Variants in ALDH1L1 observed in about 807,000 individuals in gnomAD.
ALDH1L1 encodes aldehyde dehydrogenase 1 family member L1, also known as cytosolic 10-formyltetrahydrofolate dehydrogenase.
Under a neutral mutation model 101.1 loss-of-function variants are expected in ALDH1L1, and 68 were observed. The observed-to-expected ratio is 0.67, with a 90% CI of 0.55 to 0.82. The LOEUF is 0.82. ALDH1L1 is among the 40% of genes least tolerant of loss of function. The probability of loss-of-function intolerance (pLI) is 0.00; values close to 1 mark genes in which losing one functional copy is unlikely to be tolerated. For synonymous variants in ALDH1L1, 486 were observed against 470.8 expected, an observed-to-expected ratio of 1.03 and a Z score of -0.42; for missense variants, 1,087 against 1,172.7, an observed-to-expected ratio of 0.93 and a Z score of 1.07.
At chr3:126,114,482 A>G in intron 18 of ALDH1L1, 75 bp downstream of exon 18, 1 of 1,231,034 alleles carries the variant, frequency 8.1e-7, no homozygotes, top group Non-Finnish European at 1.1e-6. Flanking sequence ...CTGTGGAATC[A>G]GAGACAGGGC....
At chr3:126,110,270 T>C in intron 19 of ALDH1L1, 161 bp from the exon 20 acceptor site, 1 of 921,824 alleles carries the variant, frequency 1.1e-6, no homozygotes, top group Admixed American at 2.7e-5. Flanking sequence ...CCTTCCAGGC[T>C]GAAATCCCAA....
At chr3:126,173,233 T>C (rs977591199) in intron 1 of ALDH1L1, among the ~76,000 whole-genome samples, 2 of 152,198 alleles carry the variant, frequency 1.3e-5, no homozygotes, top group Non-Finnish European at 2.9e-5. Flanking sequence ...TTCAAAATAA[T>C]AATTGCAACA....
rs112399047 is a variant in ALDH1L1, at chr3:126,131,580, G to A, written c.1473-46C>T. 912 of 1,570,758 alleles carry A rather than the reference G, an allele frequency of 5.8e-4. 2 individuals are homozygous for A. In the African/African-American group the frequency reaches 0.01, roughly 18 times the overall value. On this transcript the variant is annotated intron_variant, in intron 12 of 22. Coordinates refer to ENST00000393434, the MANE Select transcript of ALDH1L1 (RefSeq NM_012190.4). Reference sequence around the variant, plus strand: ...CGGGAGGTGGGCTCAGGCCTGGCACGGCCTCATCTGCCCTCACAAGGCCCT... The same window carrying A: ...CGGGAGGTGGGCTCAGGCCTGGCACAGCCTCATCTGCCCTCACAAGGCCCT...
intron 9 of ALDH1L1, among the ~76,000 whole-genome samples, chr3:126,144,442 C>T (rs1488396155): frequency 6.6e-6 from 1 of 152,184 alleles, no homozygotes; most frequent in East Asian, 1.9e-4. Flanking sequence ...ACTCACATTT[C>T]CTGATTTCAA....
chr3:126,130,765 C>A (rs771779022), intron 13 of ALDH1L1, among the ~76,000 whole-genome samples: 1 of 152,220 alleles, frequency 6.6e-6, no homozygotes, highest in Non-Finnish European at 1.5e-5. Flanking sequence ...CTGGCAGAGA[C>A]GCCATGAGTC....
At chr3:126,153,208 C>T in intron 7 of ALDH1L1, 1 of 591,618 alleles carries the variant, frequency 1.7e-6, no homozygotes, top group East Asian at 3.2e-5. Flanking sequence ...GGTGCCTAGC[C>T]AGGAAGGGTA....
chr3:126,132,054 G>A (rs893325293), intron 12 of ALDH1L1, among the ~76,000 whole-genome samples: 35 of 152,384 alleles, frequency 2.3e-4, no homozygotes, highest in African/African-American at 5.0e-4. Flanking sequence ...AGGGAGCAAC[G>A]TGGGGGCTGA....
Position 126,137,803 on chromosome 3 carries a change from C to A in ALDH1L1, c.1224+10G>T. ...TGCAGGGCCTGCTGCAGGGAGGGCC[C>A]AGCACTCACGTAGTCAATGCTGCAC... On this transcript the variant is annotated intron_variant, in intron 10 of 22. Coordinates refer to ENST00000393434, the MANE Select transcript of ALDH1L1 (RefSeq NM_012190.4). 1 of 1,612,684 alleles carries A rather than the reference C, an allele frequency of 6.2e-7. No individual in the cohort carries two copies. The highest frequency in any genetic ancestry group is 8.5e-7 in the Non-Finnish European group (1 of 1,179,426).
At chr3:126,113,430 C>G (rs1438782053) in intron 18 of ALDH1L1, among the ~76,000 whole-genome samples, 3 of 152,168 alleles carry the variant, frequency 2.0e-5, no homozygotes, top group Non-Finnish European at 4.4e-5. Context: ...AGAACAAAGG[C>G]CCTCAGAGGC....
chr3:126,157,633 G>A (rs2080942181), intron 3 of ALDH1L1, 125 bp from the exon 4 acceptor site: 9 of 1,027,840 alleles, frequency 8.8e-6, no homozygotes, highest in Admixed American at 2.4e-5. Context: ...GACTGACACC[G>A]GCTCCGGCGG....
intron 20 of ALDH1L1, among the ~76,000 whole-genome samples, chr3:126,107,553 C>T (rs1024254519): frequency 4.6e-4 from 70 of 152,318 alleles, no homozygotes; most frequent in Non-Finnish European, 8.2e-4. Context: ...AACCCATGGC[C>T]GAAGCAAAGA....
At chr3:126,184,905 C>T (rs979110937), upstream of ALDH1L1, among the ~76,000 whole-genome samples, 1 of 152,058 alleles carries the variant, frequency 6.6e-6, no homozygotes, top group African/African-American at 2.4e-5. Flanking sequence ...AATTTTGGAG[C>T]CAGTGTTTCT....
chr3:126,175,797 C>G (rs964157952), intron 1 of ALDH1L1, among the ~76,000 whole-genome samples: 1 of 152,104 alleles, frequency 6.6e-6, no homozygotes, highest in African/African-American at 2.4e-5. Flanking sequence ...CAAGGATGTT[C>G]CCTTTCACCC....
chr3:126,136,725 C>A (rs1443495930), intron 11 of ALDH1L1, 39 bp downstream of exon 11: 1 of 1,553,116 alleles, frequency 6.4e-7, no homozygotes, highest in Non-Finnish European at 8.7e-7. Flanking sequence ...GACAGGGAGG[C>A]TGGGGAATGT....
intron 16 of ALDH1L1, among the ~76,000 whole-genome samples, chr3:126,121,985 G>A (rs560150148): frequency 2.0e-5 from 3 of 152,300 alleles, no homozygotes; most frequent in Non-Finnish European, 4.4e-5. Context: ...TCTACCTCAG[G>A]TGTGCCAGAT....
intron 9 of ALDH1L1, among the ~76,000 whole-genome samples, chr3:126,139,055 C>T (rs1456757900): frequency 6.6e-6 from 1 of 152,268 alleles, no homozygotes; most frequent in African/African-American, 2.4e-5. Context: ...GGGTCATATT[C>T]CAGACGCAGC....
At chr3:126,107,320 C>T (rs919551004) in intron 20 of ALDH1L1, 74 bp from the exon 21 acceptor site, 74 of 1,273,528 alleles carry the variant, frequency 5.8e-5, no homozygotes, top group Non-Finnish European at 8.2e-5. Flanking sequence ...GTCAGCAGGG[C>T]CTGGGCCACA....
At chr3:126,127,698 G>A (rs2080218189) in intron 14 of ALDH1L1, among the ~76,000 whole-genome samples, 1 of 152,192 alleles carries the variant, frequency 6.6e-6, no homozygotes, top group African/African-American at 2.4e-5. Flanking sequence ...ACTGGCCAGG[G>A]GAGGAGATGG....
chr3:126,105,599 A>G lies in ALDH1L1; in HGVS notation c.2653+127T>C, dbSNP rs746935301. ...CAAGTTCCCTCCCAGTAAGAAGCGA[A>G]CCCTGACAGCCATCATGTTCAAGGC... On this transcript the variant is annotated intron_variant, in intron 22 of 22. Transcript: ENST00000393434. 5 of 1,108,800 alleles carry G rather than the reference A, an allele frequency of 4.5e-6. No individual in the cohort carries two copies. The South Asian group carries it at 6.4e-5, about 14-fold the overall frequency. 68.7% of individuals were successfully genotyped at this position (1,108,800 alleles called of 1,614,324 possible).
Sources: allele counts gnomAD v4.1 joint callset (sites outside exome capture counted in the v4.1 genomes callset), GRCh38; gene constraint gnomAD v4.1.1; transcripts MANE v1.5; gene names NCBI Gene and HGNC (gene_info 2026-07-23, HGNC 2026-07-21).